ANO5: variants seen among roughly 807,000 people sequenced by gnomAD.
The protein encoded by ANO5 is anoctamin 5, also known as anoctamin-5.
ANO5 carries 109 observed loss-of-function variants against 121.0 expected under a neutral mutation model. The observed-to-expected ratio is 0.90, with a 90% CI of 0.77 to 1.06. ANO5 has a LOEUF of 1.06. Among genes scored for constraint, ANO5 ranks in the 50% least tolerant of loss-of-function variants. ANO5 has a pLI of 0.00. For synonymous variants in ANO5, 406 were observed against 359.9 expected, an observed-to-expected ratio of 1.13 and a Z score of -1.45; for missense variants, 1,064 against 1,078.5, an observed-to-expected ratio of 0.99 and a Z score of 0.19.
intron 2 of ANO5, among the ~76,000 whole-genome samples, chr11:22,204,937 G>A (rs1023536298): frequency 3.3e-5 from 5 of 151,986 alleles, no homozygotes; most frequent in African/African-American, 9.7e-5. Context: ...CAAAGACATG[G>A]AATCAACCTA....
chr11:22,246,856 C>CA (rs10565920), intron 9 of ANO5, among the ~76,000 whole-genome samples: 5,970 of 60,826 alleles, frequency 0.098, 297 homozygotes, highest in Non-Finnish European at 0.16. Context: ...GACCCTGTTT[C>CA]AAAAAAAAAA....
At chr11:22,192,505 G>A (rs1188688007), upstream of ANO5, among the ~76,000 whole-genome samples, 1 of 152,200 alleles carries the variant, frequency 6.6e-6, no homozygotes, top group East Asian at 1.9e-4. Flanking sequence ...TGGGGAAGGG[G>A]CTGCTGGCAC....
chr11:22,260,618 C>T (rs1222381284), intron 15 of ANO5, among the ~76,000 whole-genome samples: 2 of 152,168 alleles, frequency 1.3e-5, no homozygotes, highest in African/African-American at 4.8e-5. Flanking sequence ...CCTAAAAACT[C>T]ACCATTTTCC....
chr11:22,282,280 G>GC lies in ANO5; in HGVS notation c.*2518dup, dbSNP rs1300143982. The GC allele has an allele frequency of 2.0e-5, 3 of 152,108 alleles. No individual in the cohort carries two copies. Among genetic ancestry groups the GC allele is most frequent in the Admixed American group, 6.6e-5 (1 of 15,264 alleles). The allele number at this position is 152,108 out of a possible 1,614,324, so 9.4% of individuals were successfully genotyped here. A position where few individuals can be genotyped will look rare whatever the true frequency, so the allele number is the denominator to read the frequency against. The stretch of plus-strand genomic sequence containing the variant: ...AAAAAATACTTAACTCTTTTCAAAG[G>GC]CCCTCTTTCATCCTTGCCTTCGTCA... On this transcript the variant is annotated 3_prime_UTR_variant, in exon 22 of 22. Coordinates refer to ENST00000324559, the MANE Select transcript of ANO5 (RefSeq NM_213599.3).
chr11:22,264,975 A>G (rs978230496), intron 17 of ANO5, among the ~76,000 whole-genome samples: 4 of 152,178 alleles, frequency 2.6e-5, no homozygotes, highest in African/African-American at 9.6e-5. Context: ...TTAGATTAAG[A>G]GGCTTCCACA....
chr11:22,272,869 T>C lies in ANO5; in HGVS notation c.2115T>C (p.Ile705=). 6.2e-7 allele frequency: 1 copy of C among 1,614,166 alleles called. No homozygotes were observed. The highest frequency in any genetic ancestry group is 8.5e-7 in the Non-Finnish European group (1 of 1,180,006). ...LLALINNIVE[I]RVDAWKLTTQ... ...CTCTCATAAATAATATTGTAGAGAT[T>C]CGAGTGGATGCCTGGAAACTTACCA... The change falls in exon 19 of 22, where the codon ATT becomes ATC. Residue 705 remains isoleucine (I), a synonymous_variant. Coordinates refer to ENST00000324559, the MANE Select transcript of ANO5 (RefSeq NM_213599.3).
At position 22,198,990 on chromosome 11, in the gene ANO5, T is replaced by G. The variant is rs1050650047; in HGVS notation, c.41-4814T>G. 1.7e-4 allele frequency among the ~76,000 whole-genome samples: 26 copies of G among 152,300 alleles called. No individual in the cohort carries two copies. The South Asian group carries it at 2.3e-3, about 13-fold the overall frequency. On this transcript the variant is annotated intron_variant, in intron 1 of 21. Transcript: ENST00000324559. ...ATTGATGATAATACTGCATGATGTT[T>G]AATATTTTTCAAGCATTTCCCTTTA...
Position 22,239,699 on chromosome 11 carries a change from C to T in ANO5, c.878+15C>T, listed in dbSNP as rs749113193. The T allele has an allele frequency of 9.8e-6, 15 of 1,534,986 alleles. No individual in the cohort carries two copies. Among genetic ancestry groups the T allele is most frequent in the East Asian group, 6.8e-5 (3 of 44,306 alleles). ...GACTTGATTAAGTAAGTTTCATACA[C>T]AGGATCAGACCAATTAAAACTTGAT... On this transcript the variant is annotated intron_variant, in intron 9 of 21. Coordinates refer to ENST00000324559, the MANE Select transcript of ANO5 (RefSeq NM_213599.3).
chr11:22,262,446 G>A (rs781777641), intron 16 of ANO5, 148 bp downstream of exon 16: 3 of 839,444 alleles, frequency 3.6e-6, no homozygotes, highest in Non-Finnish European at 5.5e-6. Context: ...GTTCACAGAT[G>A]AATCCTGTCA....
chr11:22,194,317 G>T (rs768347441), intron 1 of ANO5, among the ~76,000 whole-genome samples: 6 of 152,086 alleles, frequency 3.9e-5, no homozygotes, highest in Admixed American at 3.9e-4. Flanking sequence ...GTCTTGTTTA[G>T]TGTTGGATTT....
chr11:22,236,331 A>T (rs1442159750), intron 8 of ANO5, 55 bp downstream of exon 8: 2 of 1,369,696 alleles, frequency 1.5e-6, no homozygotes, highest in Middle Eastern at 1.8e-4. Flanking sequence ...TGCCATGTTC[A>T]TTACTGGGAG....
At chr11:22,242,284 C>T (rs1480441773) in intron 9 of ANO5, among the ~76,000 whole-genome samples, 1 of 152,034 alleles carries the variant, frequency 6.6e-6, no homozygotes, top group African/African-American at 2.4e-5. Flanking sequence ...CTTACCATAG[C>T]CTTATAGCAT....
chr11:22,211,211 T>C, intron 2 of ANO5, 53 bp from the exon 3 acceptor site: 1 of 1,582,758 alleles, frequency 6.3e-7, no homozygotes, highest in Middle Eastern at 1.7e-4. Context: ...AAGCACCCTT[T>C]GCTCCACCTG....
At chr11:22,220,199 A>C (rs1005712796) in intron 4 of ANO5, among the ~76,000 whole-genome samples, 2 of 152,080 alleles carry the variant, frequency 1.3e-5, no homozygotes, top group African/African-American at 2.4e-5. Context: ...ATAGTTACTC[A>C]TTCGCAGGTG....
intron 16 of ANO5, among the ~76,000 whole-genome samples, chr11:22,262,634 C>T (rs772982412): frequency 6.5e-4 from 99 of 152,254 alleles, no homozygotes; most frequent in Middle Eastern, 6.8e-3. Context: ...TAGAACAGAT[C>T]CATGGCTTCC....
intron 14 of ANO5, 102 bp from the exon 15 acceptor site, chr11:22,259,417 A>T: frequency 7.9e-7 from 1 of 1,261,054 alleles, no homozygotes; most frequent in Non-Finnish European, 1.1e-6. Context: ...AGAACTGCTA[A>T]ACTTCATATA....
At chr11:22,210,973 G>A (rs953955210) in intron 2 of ANO5, among the ~76,000 whole-genome samples, 1 of 151,756 alleles carries the variant, frequency 6.6e-6, no homozygotes. Flanking sequence ...TTTATGATTT[G>A]ATAAAGCTAC....
At chr11:22,236,399 A>C in intron 8 of ANO5, 123 bp downstream of exon 8, 3 of 793,398 alleles carry the variant, frequency 3.8e-6, no homozygotes, top group Non-Finnish European at 6.5e-6. Flanking sequence ...AAAATCCCCA[A>C]AGACTTCTTG....
intron 17 of ANO5, among the ~76,000 whole-genome samples, chr11:22,264,829 G>A (rs1436829882): frequency 6.6e-6 from 1 of 152,130 alleles, no homozygotes; most frequent in Admixed American, 6.5e-5. Flanking sequence ...AACAAGATGG[G>A]AAAATTCCAG....
Sources: gnomAD v4.1 joint callset for allele counts (sites outside exome capture counted in the v4.1 genomes callset) on GRCh38, gnomAD v4.1.1 for gene constraint, MANE v1.5 for transcripts, NCBI Gene and HGNC (gene_info 2026-07-23, HGNC 2026-07-21) for gene names.